Variants in ADD3 observed in about 807,000 individuals in gnomAD.
ADD3 encodes gamma-adducin.
Under a neutral mutation model 80.2 loss-of-function variants are expected in ADD3, and 25 were observed. That is an observed-to-expected ratio of 0.31 (90% CI 0.23 to 0.44). ADD3 has a LOEUF of 0.44. Ranked by LOEUF, ADD3 falls within the 20% of genes least tolerant of loss-of-function variation. The pLI is 1.00. For missense variants in ADD3, 829 were observed against 847.5 expected, an observed-to-expected ratio of 0.98 and a Z score of 0.27; for synonymous variants, 284 against 289.6, an observed-to-expected ratio of 0.98 and a Z score of 0.20.
At chr10:110,074,680 G>A (rs117657230) in intron 1 of ADD3, among the ~76,000 whole-genome samples, 7 of 151,052 alleles carry the variant, frequency 4.6e-5, no homozygotes, top group East Asian at 1.9e-4. Context: ...ATAACTAATC[G>A]CAAGTCATTT....
At chr10:110,040,815 G>A (rs1856218903) in intron 1 of ADD3, among the ~76,000 whole-genome samples, 1 of 152,196 alleles carries the variant, frequency 6.6e-6, no homozygotes, top group African/African-American at 2.4e-5. Context: ...AGGAAAAATG[G>A]TAAAACAGAA....
intron 1 of ADD3, among the ~76,000 whole-genome samples, chr10:110,032,011 T>C (rs1473408973): frequency 1.3e-5 from 2 of 152,122 alleles, no homozygotes; most frequent in Non-Finnish European, 2.9e-5. Flanking sequence ...GCCTATGACT[T>C]TCTCACCTGG....
intron 1 of ADD3, among the ~76,000 whole-genome samples, chr10:110,074,655 C>G (rs1429427946): frequency 6.6e-6 from 1 of 151,256 alleles, no homozygotes; most frequent in Non-Finnish European, 1.5e-5. Flanking sequence ...TCTCTTTTTG[C>G]TAACTTTCAT....
chr10:110,009,808 A>G (rs770474158), intron 1 of ADD3, among the ~76,000 whole-genome samples: 3 of 152,186 alleles, frequency 2.0e-5, no homozygotes, highest in South Asian at 2.1e-4. Context: ...AAACGGGTGT[A>G]TCTATTTTGA....
chr10:110,120,683 C>T lies in ADD3; in HGVS notation c.960+1119C>T, dbSNP rs1389487305. On this transcript the variant is annotated intron_variant, in intron 8 of 14. Transcript: ENST00000356080. ...CACAATGGTTGAACTAGAGAGCCCGCATCGCCAAGTCAATCCTAAGCCAAA... is the reference window on the plus strand; with the variant it reads ...CACAATGGTTGAACTAGAGAGCCCGTATCGCCAAGTCAATCCTAAGCCAAA... 4.6e-5 allele frequency among the ~76,000 whole-genome samples: 7 copies of T among 152,160 alleles called. No individual in the cohort carries two copies. In the East Asian group the frequency reaches 1.3e-3, roughly 29 times the overall value.
intron 1 of ADD3, among the ~76,000 whole-genome samples, chr10:110,063,776 T>TATATATATATATATATAG: frequency 1.0e-5 from 1 of 97,724 alleles, no homozygotes. Flanking sequence ...TATATATATA[T>TATATATATATATATATAG]ATATATAAAG....
At chr10:110,123,927 T>C in intron 9 of ADD3, 90 bp from the exon 10 acceptor site, 1 of 1,344,912 alleles carries the variant, frequency 7.4e-7, no homozygotes, top group Non-Finnish European at 1.0e-6. Context: ...AAGGAGTCTT[T>C]TAAATCATTT....
intron 2 of ADD3, among the ~76,000 whole-genome samples, chr10:110,106,417 T>C (rs1849400453): frequency 6.6e-6 from 1 of 152,082 alleles, no homozygotes; most frequent in Non-Finnish European, 1.5e-5. Context: ...CACTTTCTCC[T>C]GAAAGTTCTG....
rs59897959 is a variant in ADD3 at position 110,050,506 on chromosome 10, CTTTTT to C, written c.-30+42224_-30+42228del. Among the ~76,000 whole-genome samples the C allele has an allele frequency of 2.8e-3, 368 of 129,432 alleles. 3 individuals carry two copies. The highest frequency in any genetic ancestry group is 9.6e-3 in the African/African-American group (346 of 35,952). 84.9% of individuals were successfully genotyped at this position (129,432 alleles called of 152,430 possible). On this transcript the variant is annotated intron_variant, in intron 1 of 14. Coordinates refer to ENST00000356080, the MANE Select transcript of ADD3 (RefSeq NM_016824.5). ...GTGGAACTGTGAGTCCATTAAACCT[CTTTTT>C]TTTTTTTTTTTTTTTTCCTGAAGCG...
intron 1 of ADD3, among the ~76,000 whole-genome samples, chr10:110,078,438 GCTTTA>G (rs1471562647): frequency 1.3e-5 from 2 of 152,204 alleles, no homozygotes; most frequent in African/African-American, 2.4e-5. Context: ...GAAAACTAAA[GCTTTA>G]CTTTAAGAAG....
At chr10:110,022,572 ATAT>A (rs776482667) in intron 1 of ADD3, among the ~76,000 whole-genome samples, 72 of 152,316 alleles carry the variant, frequency 4.7e-4, no homozygotes, top group Non-Finnish European at 6.9e-4. Context: ...ACAGTGGTCC[ATAT>A]TATTTGAATG....
At chr10:110,089,103 A>C (rs1385236824) in intron 1 of ADD3, among the ~76,000 whole-genome samples, 3 of 152,178 alleles carry the variant, frequency 2.0e-5, no homozygotes, top group Non-Finnish European at 2.9e-5. Context: ...GAAAAGGTCC[A>C]CTGAGATTTG....
chr10:110,070,756 G>C (rs1285552145), intron 1 of ADD3, among the ~76,000 whole-genome samples: 2 of 152,006 alleles, frequency 1.3e-5, no homozygotes, highest in Admixed American at 1.3e-4. Context: ...GGGGGGTAGG[G>C]GTGCAGATAA....
At chr10:110,030,730 G>C (rs1854904722) in intron 1 of ADD3, among the ~76,000 whole-genome samples, 1 of 151,598 alleles carries the variant, frequency 6.6e-6, no homozygotes, top group Admixed American at 6.6e-5. Flanking sequence ...CAAAGACCTA[G>C]TACAAGAAAA....
intron 1 of ADD3, among the ~76,000 whole-genome samples, chr10:110,029,419 G>A (rs567083103): frequency 6.6e-6 from 1 of 152,276 alleles, no homozygotes; most frequent in South Asian, 2.1e-4. Context: ...ACATTAATTT[G>A]TACTTTCTAT....
At chr10:110,112,587 C>G (rs889431328) in intron 2 of ADD3, among the ~76,000 whole-genome samples, 190 bp from the exon 3 acceptor site, 2 of 152,102 alleles carry the variant, frequency 1.3e-5, no homozygotes, top group African/African-American at 4.8e-5. Context: ...GGTTTTCCCC[C>G]CTAAAAGCAA....
At chr10:110,122,692 C>G (rs1274592051) in intron 9 of ADD3, among the ~76,000 whole-genome samples, 10 of 150,466 alleles carry the variant, frequency 6.6e-5, no homozygotes, top group Non-Finnish European at 1.2e-4. Context: ...ACAATCAGGG[C>G]TCACTTGCAG....
rs1564821811 is a variant in ADD3 at position 109,999,748 on chromosome 10, AATT to A, written n.79+3307_79+3309del. On this transcript the variant is annotated intron_variant and non_coding_transcript_variant, in intron 1 of 5. Coordinates refer to the ADD3 transcript ENST00000468251. The stretch of plus-strand genomic sequence containing the variant: ...ATTAATAAAACTATCATATCTTAAT[AATT>A]ATTAAAATAAAAATATTGATACGAC... 1.8e-4 allele frequency among the ~76,000 whole-genome samples: 28 copies of A among 152,284 alleles called. 1 individual carries two copies. The South Asian group carries it at 5.2e-3, about 28-fold the overall frequency.
chr10:110,045,338 A>G (rs971592723), intron 1 of ADD3, among the ~76,000 whole-genome samples: 2 of 152,152 alleles, frequency 1.3e-5, no homozygotes, highest in African/African-American at 4.8e-5. Flanking sequence ...TGGGTAACAC[A>G]GCAAGACTCT....
Sources: gnomAD v4.1 joint callset for allele counts (sites outside exome capture counted in the v4.1 genomes callset) on GRCh38, gnomAD v4.1.1 for gene constraint, MANE v1.5 for transcripts, NCBI Gene and HGNC (gene_info 2026-07-23, HGNC 2026-07-21) for gene names.